F2RL2: variants seen among roughly 807,000 people sequenced by gnomAD.
F2RL2 encodes the protein coagulation factor II thrombin receptor like 2, also known as proteinase-activated receptor 3.
F2RL2 carries 4 observed loss-of-function variants against 4.3 expected under a neutral mutation model. That is an observed-to-expected ratio of 0.93 (90% CI 0.46 to 2.12). The LOEUF (loss-of-function observed/expected upper bound fraction) is 2.12, where lower values mean the gene tolerates loss of function less well. F2RL2 is among the 30% of genes most tolerant of loss of function. The pLI, the probability that F2RL2 is intolerant of heterozygous loss-of-function variation, is 0.02. For missense variants in F2RL2, 408 were observed against 449.3 expected (o/e 0.91, Z 0.83); for synonymous variants, 166 against 170.9 (o/e 0.97, Z 0.22).
At chr5:76,620,645 A>G (rs879290556) in intron 1 of F2RL2, among the ~76,000 whole-genome samples, 7 of 152,176 alleles carry the variant, frequency 4.6e-5, no homozygotes, top group African/African-American at 2.4e-5. Flanking sequence ...TGTAGTCTGC[A>G]TGGAGGCTCT....
chr5:76,619,644 G>A (rs1749416466), intron 1 of F2RL2, among the ~76,000 whole-genome samples: 1 of 150,816 alleles, frequency 6.6e-6, no homozygotes, highest in South Asian at 2.1e-4. Flanking sequence ...AGCCTCCCCA[G>A]TAGCTGGGAC....
chr5:76,619,556 G>A (rs1053430127), intron 1 of F2RL2, among the ~76,000 whole-genome samples: 7 of 127,920 alleles, frequency 5.5e-5, no homozygotes, highest in South Asian at 2.5e-4. Flanking sequence ...TCACTCTGTC[G>A]CCCAGGCTGG....
intron 1 of F2RL2, among the ~76,000 whole-genome samples, chr5:76,621,299 G>C (rs1330061104): frequency 6.6e-6 from 1 of 152,184 alleles, no homozygotes; most frequent in Non-Finnish European, 1.5e-5. Context: ...TAGTAACTGA[G>C]GGGTATGGAG....
rs200098123 is a variant in F2RL2, at chr5:76,617,540, C to T, written c.*42G>A. ...TGCTTATGTTGTTCTTGAAAACAGACGTTCTCTGTGATGGCTGTCCTTGTT... is the reference window on the plus strand; with the variant it reads ...TGCTTATGTTGTTCTTGAAAACAGATGTTCTCTGTGATGGCTGTCCTTGTT... On this transcript the variant is annotated 3_prime_UTR_variant, in exon 2 of 2. Coordinates refer to ENST00000296641, the MANE Select transcript of F2RL2 (RefSeq NM_004101.4). 9.7e-5 allele frequency: 143 copies of T among 1,479,814 alleles called. No homozygotes were observed. The African/African-American group carries it at 1.4e-3, about 15-fold the overall frequency. The allele number at this position is 1,479,814 out of a possible 1,614,324, so 91.7% of individuals were successfully genotyped here.
rs1473373181 is a variant in F2RL2 at position 76,617,355 on chromosome 5, C to T, written c.*227G>A. The T allele has an allele frequency of 7.1e-6, 3 of 422,698 alleles. No individual in the cohort carries two copies. Among genetic ancestry groups the T allele is most frequent in the Non-Finnish European group, 4.2e-6 (1 of 236,348 alleles). 26.2% of individuals were successfully genotyped at this position (422,698 alleles called of 1,614,324 possible). ...CTACTTGGGAGGCTGACCTGGGAGG[C>T]AGAGGTTGCAATGAGCCAAGATAGT... On this transcript the variant is annotated 3_prime_UTR_variant, in exon 2 of 2. Coordinates refer to ENST00000296641, the MANE Select transcript of F2RL2 (RefSeq NM_004101.4).
At chr5:76,619,285 A>G (rs1749352194) in intron 1 of F2RL2, among the ~76,000 whole-genome samples, 1 of 152,170 alleles carries the variant, frequency 6.6e-6, no homozygotes, top group Non-Finnish European at 1.5e-5. Context: ...AAATTGAAAG[A>G]GTGGGTGACA....
Position 76,619,517 on chromosome 5 carries a change from T to C in F2RL2, c.65-875A>G, listed in dbSNP as rs943848082. 5.3e-4 allele frequency among the ~76,000 whole-genome samples: 76 copies of C among 143,970 alleles called. 2 individuals carry two copies. The highest frequency in any genetic ancestry group is 1.5e-3 in the African/African-American group (58 of 38,658). 94.4% of individuals were successfully genotyped at this position (143,970 alleles called of 152,430 possible). A position where few individuals can be genotyped will look rare whatever the true frequency, so the allele number is the denominator to read the frequency against. On this transcript the variant is annotated intron_variant, in intron 1 of 1. Coordinates refer to ENST00000296641, the MANE Select transcript of F2RL2 (RefSeq NM_004101.4). ...ATCTAACTTAGTTAAGGATCTTCTT[T>C]TTTTTTTTTTTTTTTTTTTGAGACA...
Position 76,623,347 on chromosome 5 carries a change from G to T in F2RL2, c.-117C>A. The T allele has an allele frequency of 7.8e-7, 1 of 1,278,972 alleles. No individual in the cohort carries two copies. Among genetic ancestry groups the T allele is most frequent in the South Asian group, 1.3e-5 (1 of 77,536 alleles). The allele number at this position is 1,278,972 out of a possible 1,614,324, so 79.2% of individuals were successfully genotyped here. A position where few individuals can be genotyped will look rare whatever the true frequency, so the allele number is the denominator to read the frequency against. On this transcript the variant is annotated 5_prime_UTR_variant, in exon 1 of 2. Coordinates refer to ENST00000296641, the MANE Select transcript of F2RL2 (RefSeq NM_004101.4). ...TGGAAGCCTTGGTCTGTCTGTAGAA[G>T]TTTGCTCTCCTGTGCCGTGCAGGCA...
In F2RL2 at chr5:76,622,979, G is replaced by A. The variant is rs552674318; in HGVS notation, c.64+188C>T. 1.1e-4 allele frequency among the ~76,000 whole-genome samples: 17 copies of A among 152,328 alleles called. 1 individual carries two copies. In the South Asian group the frequency reaches 3.3e-3, roughly 30 times the overall value. On this transcript the variant is annotated intron_variant, in intron 1 of 1. Transcript: ENST00000296641. Reference sequence around the variant, plus strand: ...CATCAGGAGGGAACACTTAGTCTATGACCAGGTTTGAATAGAGTGAATGAA... The same window carrying A: ...CATCAGGAGGGAACACTTAGTCTATAACCAGGTTTGAATAGAGTGAATGAA...
Position 76,617,983 on chromosome 5 carries a change from T to C in F2RL2, c.724A>G (p.Ile242Val), listed in dbSNP as rs778790758. Residue 242 changes from isoleucine (I) to valine (V), a missense_variant, in exon 2 of 2, where the codon ATC becomes GTC. By Grantham distance (29) the Ile-to-Val change is conservative. Transcript: ENST00000296641. ...TTGTGAACATCATGGCAGGTGGTGA[T>C]GTCTGGCTGAACAAGATAATATTCC... ...KQEYYLVQPDITTCHDVHNTC... is the reference protein window; with the variant it reads ...KQEYYLVQPDVTTCHDVHNTC... 1.9e-6 allele frequency: 3 copies of C among 1,614,038 alleles called. No individual in the cohort carries two copies. The highest frequency in any genetic ancestry group is 2.5e-6 in the Non-Finnish European group (3 of 1,180,036).
Position 76,617,036 on chromosome 5 carries a change from G to A in F2RL2, c.*546C>T, listed in dbSNP as rs1246486160. 1 of 152,912 alleles carries A rather than the reference G, an allele frequency of 6.5e-6. No homozygotes were observed. The highest frequency in any genetic ancestry group is 1.5e-5 in the Non-Finnish European group (1 of 68,560). The allele number at this position is 152,912 out of a possible 1,614,324, so 9.5% of individuals were successfully genotyped here. A position where few individuals can be genotyped will look rare whatever the true frequency, so the allele number is the denominator to read the frequency against. On this transcript the variant is annotated 3_prime_UTR_variant, in exon 2 of 2. Transcript: ENST00000296641. ...ACCACTCACAGAAATAGGGAAGATG[G>A]TGATTTAAAGAGCTTGAAGTAGCAA...
rs943252092 is a variant in F2RL2 at position 76,615,895 on chromosome 5, A to G, written c.*1687T>C. 2.0e-5 allele frequency: 3 copies of G among 152,634 alleles called. No homozygotes were observed. Among genetic ancestry groups the G allele is most frequent in the Non-Finnish European group, 4.4e-5 (3 of 68,044 alleles). 9.5% of individuals were successfully genotyped at this position (152,634 alleles called of 1,614,324 possible). A position where few individuals can be genotyped will look rare whatever the true frequency, so the allele number is the denominator to read the frequency against. On this transcript the variant is annotated 3_prime_UTR_variant, in exon 2 of 2. Coordinates refer to ENST00000296641, the MANE Select transcript of F2RL2 (RefSeq NM_004101.4). ...GCTTCCTTACTTTTTTGTATGCCCA[A>G]CCTGAAATGATGTCATCCCGTATCA...
At position 76,617,697 on chromosome 5, in the gene F2RL2, T is replaced by C. The variant is rs1749120472; in HGVS notation, c.1010A>G (p.Tyr337Cys). The change falls in exon 2 of 2, where the codon TAT (tyrosine) becomes TGT (cysteine). Residue 337 changes from tyrosine to cysteine, a missense_variant. By Grantham distance (194) the Tyr-to-Cys change is radical. Coordinates refer to ENST00000296641, the MANE Select transcript of F2RL2 (RefSeq NM_004101.4). ...NYYYNNTDGL[Y>C]FIYLIALCLG... is the part of the protein sequence containing the mutation. ...GCACAAAGCTATGAGATATATAAAA[T>C]ATAAGCCATCAGTGTTGTTGTAGTA... 1.2e-6 allele frequency: 2 copies of C among 1,614,030 alleles called. No homozygotes were observed. Among genetic ancestry groups the C allele is most frequent in the Non-Finnish European group, 8.5e-7 (1 of 1,179,970 alleles).
intron 1 of F2RL2, among the ~76,000 whole-genome samples, chr5:76,622,203 G>A (rs902353518): frequency 9.9e-5 from 15 of 151,576 alleles, no homozygotes; most frequent in East Asian, 5.8e-4. Context: ...CCCTATTAGC[G>A]TCTTGAAGGA....
Position 76,615,584 on chromosome 5 carries a change from T to C in F2RL2, c.*1998A>G, listed in dbSNP as rs1322660120. On this transcript the variant is annotated 3_prime_UTR_variant, in exon 2 of 2. Coordinates refer to ENST00000296641, the MANE Select transcript of F2RL2 (RefSeq NM_004101.4). ...AAGTCATCTCAGGAATCTTTTATGC[T>C]TAAAGTTTCCTCAGCCCCATTTATA... The C allele has an allele frequency of 1.3e-5, 2 of 152,218 alleles. No homozygotes were observed. The highest frequency in any genetic ancestry group is 4.8e-5 in the African/African-American group (2 of 41,460). The allele number at this position is 152,218 out of a possible 1,614,324, so 9.4% of individuals were successfully genotyped here. A position where few individuals can be genotyped will look rare whatever the true frequency, so the allele number is the denominator to read the frequency against.
rs150312521 is a variant in F2RL2, at chr5:76,618,121, C to T, written c.586G>A (p.Val196Ile). Residue 196 changes from valine to isoleucine, a missense_variant, in exon 2 of 2, where the codon GTC (valine) becomes ATC (isoleucine). Coordinates refer to ENST00000296641, the MANE Select transcript of F2RL2 (RefSeq NM_004101.4). The part of the protein sequence containing the change: ...CISINRYLAI[V>I]HPFTYRGLPK... ...AGGCCCCGGTAGGTGAAAGGATGGA[C>T]GATGGCCAGGTAGCGGTTGATGCTG... 27 of 1,613,978 alleles carry T rather than the reference C, an allele frequency of 1.7e-5. No homozygotes were observed. The African/African-American group carries it at 2.3e-4, about 14-fold the overall frequency.
chr5:76,623,370 G>T lies in F2RL2; in HGVS notation c.-140C>A, dbSNP rs934171698. ...AAGTTTGCTCTCCTGTGCCGTGCAG[G>T]CAGGAAACTTGCCCTGGTCCTCCGC... is the stretch of plus-strand genomic sequence containing the variant. On this transcript the variant is annotated 5_prime_UTR_variant, in exon 1 of 2. Coordinates refer to ENST00000296641, the MANE Select transcript of F2RL2 (RefSeq NM_004101.4). 1.1e-6 allele frequency: 1 copy of T among 937,582 alleles called. No homozygotes were observed. Among genetic ancestry groups the T allele is most frequent in the Non-Finnish European group, 1.6e-6 (1 of 619,980 alleles). The allele number at this position is 937,582 out of a possible 1,614,324, so 58.1% of individuals were successfully genotyped here.
In F2RL2 at chr5:76,618,378, G is replaced by A. The variant is rs781765373; in HGVS notation, c.329C>T (p.Pro110Leu). 25 of 1,614,044 alleles carry A rather than the reference G, an allele frequency of 1.5e-5. No homozygotes were observed. In the Admixed American group the frequency reaches 1.7e-4, roughly 11 times the overall value. Residue 110 changes from proline to leucine, a missense_variant, in exon 2 of 2, where the codon CCG becomes CTG. Coordinates refer to ENST00000296641, the MANE Select transcript of F2RL2 (RefSeq NM_004101.4). ...CATCCACAGGGTCACAGCATTGGCC[G>A]GGACACCAACTACAAACACCAGGAG... ...IYLLVFVVGV[P>L]ANAVTLWMLF...
rs762124428 is a variant in F2RL2 at position 76,617,592 on chromosome 5, AG to A, written c.1114del (p.Thr373GlnfsTer24). 2.5e-6 allele frequency: 4 copies of A among 1,606,988 alleles called. No homozygotes were observed. The highest frequency in any genetic ancestry group is 3.4e-6 in the Non-Finnish European group (4 of 1,176,760). ...SKTRNHSTAY[L>X]TK The stretch of plus-strand genomic sequence containing the variant: ...TCTAAGATCATTTCACTATTTTGTA[AG>A]GTAAGCAGTGGAGTGATTTCTGGTT... On this transcript the variant is annotated frameshift_variant, in exon 2 of 2. Transcript: ENST00000296641. LOFTEE classifies it high-confidence loss of function.
Sources: allele counts gnomAD v4.1 joint callset (sites outside exome capture counted in the v4.1 genomes callset), GRCh38; gene constraint gnomAD v4.1.1; transcripts MANE v1.5; gene names NCBI Gene and HGNC (gene_info 2026-07-23, HGNC 2026-07-21).